The following GOLGA5 variants were observed in gnomAD, a reference collection of about 807,000 sequenced individuals.
GOLGA5 encodes the protein golgin subfamily A member 5.
GOLGA5 carries 50 observed loss-of-function variants against 93.5 expected under a neutral mutation model. That is an observed-to-expected ratio of 0.53 (90% CI 0.43 to 0.68). The LOEUF (loss-of-function observed/expected upper bound fraction) is 0.68. GOLGA5 is among the 30% of genes least tolerant of loss of function. The probability of loss-of-function intolerance (pLI) is 0.00; values close to 1 mark genes in which losing one functional copy is unlikely to be tolerated. For missense variants in GOLGA5, 760 were observed against 856.4 expected (o/e 0.89, Z 1.40); for synonymous variants, 312 against 304.5 (o/e 1.02, Z -0.26).
intron 6 of GOLGA5, among the ~76,000 whole-genome samples, chr14:92,813,207 C>T (rs567747255): frequency 2.0e-4 from 30 of 152,072 alleles, no homozygotes; most frequent in Non-Finnish European, 3.7e-4. Context: ...TTTTGTATCA[C>T]CCTAATTTGT....
chr14:92,804,881 T>C (rs1030319122), intron 2 of GOLGA5, among the ~76,000 whole-genome samples: 2 of 151,484 alleles, frequency 1.3e-5, no homozygotes, highest in African/African-American at 4.9e-5. Context: ...CTCCTGACCT[T>C]GTGATCCGCC....
intron 9 of GOLGA5, among the ~76,000 whole-genome samples, chr14:92,826,290 CA>C (rs10713083): frequency 0.62 from 84,746 of 135,606 alleles, 24,928 homozygotes; most frequent in Middle Eastern, 0.71. Flanking sequence ...AATACATTGC[CA>C]AAAAAAAAAA....
chr14:92,798,698 T>C (rs1390171369), intron 2 of GOLGA5, among the ~76,000 whole-genome samples: 1 of 152,192 alleles, frequency 6.6e-6, no homozygotes, highest in Non-Finnish European at 1.5e-5. Flanking sequence ...GGCAGAGCAC[T>C]CGTGCCCAGG....
At chr14:92,818,776 A>G (rs1014971954) in intron 7 of GOLGA5, among the ~76,000 whole-genome samples, 5 of 152,234 alleles carry the variant, frequency 3.3e-5, no homozygotes, top group Admixed American at 6.5e-5. Context: ...TGCTGATTTT[A>G]ATCTTCTGTT....
chr14:92,800,814 A>G (rs1884854702), intron 2 of GOLGA5, among the ~76,000 whole-genome samples: 1 of 152,208 alleles, frequency 6.6e-6, no homozygotes, highest in Non-Finnish European at 1.5e-5. Context: ...TTATTTTTGT[A>G]CTTTTAAAGA....
intron 6 of GOLGA5, among the ~76,000 whole-genome samples, chr14:92,812,881 A>G (rs1220459209): frequency 6.6e-6 from 1 of 152,128 alleles, no homozygotes; most frequent in African/African-American, 2.4e-5. Flanking sequence ...GCACTGCTGT[A>G]TGCTGCCTCT....
intron 3 of GOLGA5, among the ~76,000 whole-genome samples, chr14:92,808,218 G>C (rs780521500): frequency 6.6e-6 from 1 of 151,994 alleles, no homozygotes; most frequent in Non-Finnish European, 1.5e-5. Flanking sequence ...CTGCATTCCA[G>C]CCTGAGCTAC....
At chr14:92,833,987 T>G (rs1595605435) in intron 10 of GOLGA5, among the ~76,000 whole-genome samples, 2 of 149,858 alleles carry the variant, frequency 1.3e-5, no homozygotes, top group Non-Finnish European at 3.0e-5. Context: ...TTGAAAAGTG[T>G]CACTTCTTTT....
chr14:92,799,894 A>C (rs1464161406), intron 2 of GOLGA5, among the ~76,000 whole-genome samples: 1 of 152,232 alleles, frequency 6.6e-6, no homozygotes, highest in African/African-American at 2.4e-5. Flanking sequence ...GGCGTGAGCC[A>C]CCACACCTGG....
intron 7 of GOLGA5, among the ~76,000 whole-genome samples, chr14:92,816,708 C>T (rs1192467291): frequency 6.6e-6 from 1 of 152,090 alleles, no homozygotes; most frequent in African/African-American, 2.4e-5. Flanking sequence ...ACTACAGGCA[C>T]ATGCCATCAC....
At chr14:92,813,916 T>G (rs1885151346) in intron 6 of GOLGA5, among the ~76,000 whole-genome samples, 1 of 151,448 alleles carries the variant, frequency 6.6e-6, no homozygotes, top group African/African-American at 2.4e-5. Flanking sequence ...ATATATGACA[T>G]GTGGAGATTT....
At chr14:92,811,031 T>A (rs1885092626) in intron 5 of GOLGA5, among the ~76,000 whole-genome samples, 1 of 152,278 alleles carries the variant, frequency 6.6e-6, no homozygotes, top group Non-Finnish European at 1.5e-5. Flanking sequence ...GTAGTGTGTG[T>A]CTCTTAATTT....
At position 92,807,229 on chromosome 14, in the gene GOLGA5, G is replaced by A. The variant is rs1360145137; in HGVS notation, c.772+266G>A. On this transcript the variant is annotated intron_variant, in intron 3 of 12. Coordinates refer to ENST00000163416, the MANE Select transcript of GOLGA5 (RefSeq NM_005113.4). ...AGGCAGGGGAGTTGCTTGAACCAGG[G>A]AGGTGGAGGTTGCAGTGAACCGAGA... Among the ~76,000 whole-genome samples, 9 of 152,136 alleles carry A rather than the reference G, an allele frequency of 5.9e-5. No individual in the cohort carries two copies. In the East Asian group the frequency reaches 1.5e-3, roughly 26 times the overall value.
At chr14:92,832,090 G>A (rs989982379) in intron 9 of GOLGA5, among the ~76,000 whole-genome samples, 10 of 152,148 alleles carry the variant, frequency 6.6e-5, no homozygotes, top group South Asian at 4.1e-4. Flanking sequence ...ATAAAACAGC[G>A]TTATCGGAGT....
At chr14:92,813,504 G>T (rs1476719251) in intron 6 of GOLGA5, among the ~76,000 whole-genome samples, 1 of 152,174 alleles carries the variant, frequency 6.6e-6, no homozygotes, top group Non-Finnish European at 1.5e-5. Context: ...ATTTCCGAGA[G>T]AACAACCTGT....
chr14:92,837,598 C>T, intron 12 of GOLGA5, 149 bp downstream of exon 12: 1 of 582,858 alleles, frequency 1.7e-6, no homozygotes, highest in South Asian at 2.0e-5. Flanking sequence ...GGGTCTGGCT[C>T]TTTTGCTGAG....
intron 9 of GOLGA5, among the ~76,000 whole-genome samples, chr14:92,830,175 G>A (rs993479335): frequency 5.3e-5 from 8 of 152,048 alleles, no homozygotes; most frequent in African/African-American, 1.4e-4. Flanking sequence ...AAAATTAGCC[G>A]AGCATGGTTG....
rs1884770023 is a variant in GOLGA5 at position 92,797,820 on chromosome 14, A to G, written c.383A>G (p.Asn128Ser). The change falls in exon 2 of 13, where the codon AAT becomes AGT. Residue 128 changes from asparagine (N) to serine (S), a missense_variant. Transcript: ENST00000163416. ...PDDELLFDFL[N>S]SSQKEPTGRV... ...GATGAGCTGCTGTTTGATTTTCTTA[A>G]TAGTTCACAGAAGGAGCCTACCGGG... is the stretch of plus-strand genomic sequence containing the variant. 6.2e-7 allele frequency: 1 copy of G among 1,614,110 alleles called. No homozygotes were observed. Among genetic ancestry groups the G allele is most frequent in the Non-Finnish European group, 8.5e-7 (1 of 1,179,988 alleles).
At position 92,811,614 on chromosome 14, in the gene GOLGA5, A is replaced by G. The variant is rs759928094; in HGVS notation, c.1180A>G (p.Thr394Ala). 8.1e-6 allele frequency: 13 copies of G among 1,613,056 alleles called. No individual in the cohort carries two copies. Among genetic ancestry groups the G allele is most frequent in the Non-Finnish European group, 1.0e-5 (12 of 1,179,194 alleles). ...MERQNLAEAI[T>A]LAERKYSDEK... ...ACGTCAGAATTTAGCAGAAGCAATTACACTGGCCGAAAGAAAATACTCAGA... is the reference window on the plus strand; with the variant it reads ...ACGTCAGAATTTAGCAGAAGCAATTGCACTGGCCGAAAGAAAATACTCAGA... The change falls in exon 6 of 13, where the codon ACA (threonine) becomes GCA (alanine). Residue 394 changes from threonine to alanine, a missense_variant. Thr to Ala is a moderately conservative substitution (Grantham distance 58). Transcript: ENST00000163416.
Sources: allele counts gnomAD v4.1 joint callset (sites outside exome capture counted in the v4.1 genomes callset), GRCh38; gene constraint gnomAD v4.1.1; transcripts MANE v1.5; gene names NCBI Gene and HGNC (gene_info 2026-07-23, HGNC 2026-07-21).